Variants in WNK2 observed in about 807,000 individuals in gnomAD.
The protein encoded by WNK2 is serine/threonine-protein kinase WNK2.
WNK2 carries 67 observed loss-of-function variants against 192.1 expected under a neutral mutation model. The observed-to-expected ratio is 0.35, with a 90% CI of 0.29 to 0.43. WNK2 has a LOEUF of 0.43. Ranked by LOEUF, WNK2 falls within the 20% of genes least tolerant of loss-of-function variation. The probability of loss-of-function intolerance (pLI) is 1.00; values close to 1 mark genes in which losing one functional copy is unlikely to be tolerated. For missense variants in WNK2, 2,698 were observed against 3,089.7 expected, an observed-to-expected ratio of 0.87 and a Z score of 3.01; for synonymous variants, 1,439 against 1,393.9, an observed-to-expected ratio of 1.03 and a Z score of -0.72.
chr9:93,293,283 A>G, intron 23 of WNK2, 110 bp downstream of exon 23: 1 of 1,075,064 alleles, frequency 9.3e-7, no homozygotes, highest in Non-Finnish European at 1.2e-6. Context: ...AGCAGCGCCC[A>G]CTTGGAGCTG....
At chr9:93,307,939 A>C (rs1588614491) in intron 27 of WNK2, 3 of 228,970 alleles carry the variant, frequency 1.3e-5, no homozygotes, top group Admixed American at 5.1e-5. Context: ...AGCCCGAGGA[A>C]CCTGACTCTA....
intron 23 of WNK2, among the ~76,000 whole-genome samples, chr9:93,295,485 A>T (rs1850108439): frequency 6.6e-6 from 1 of 152,048 alleles, no homozygotes; most frequent in Non-Finnish European, 1.5e-5. Flanking sequence ...CAGGTGTTGA[A>T]ATTCAGGAGT....
At chr9:93,263,440 T>C in intron 14 of WNK2, 126 bp from the exon 15 acceptor site, 2 of 1,250,080 alleles carry the variant, frequency 1.6e-6, no homozygotes, top group Non-Finnish European at 2.2e-6. Context: ...CAGGACGGGC[T>C]GCCTCTGTAG....
At chr9:93,211,242 T>A (rs60422226) in intron 2 of WNK2, among the ~76,000 whole-genome samples, 2 of 2,292 alleles carry the variant, frequency 8.7e-4, no homozygotes, top group African/African-American at 4.1e-3. Context: ...ACTCACTCAT[T>A]CACTCACTCA....
In WNK2 at chr9:93,289,327, C is replaced by A; in HGVS notation, c.4573C>A (p.Pro1525Thr). The A allele has an allele frequency of 6.2e-7, 1 of 1,603,228 alleles. No individual in the cohort carries two copies. The highest frequency in any genetic ancestry group is 1.3e-5 in the African/African-American group (1 of 74,810). ...CCCACCCCTGGGGCCCACCGTCCCCCCACAGCCACCCTCGGCCCTGGAGTC... is the reference window on the plus strand; with the variant it reads ...CCCACCCCTGGGGCCCACCGTCCCCACACAGCCACCCTCGGCCCTGGAGTC... ...PSPPLGPTVP[P>T]QPPSALESDG... The change falls in exon 20 of 30, where the codon CCA becomes ACA. Residue 1525 changes from proline (P) to threonine (T), a missense_variant. Physicochemically the swap from Pro to Thr is conservative, Grantham distance 38 (BLOSUM62 -1). Transcript: ENST00000427277.
rs1270478658 is a variant in WNK2, at chr9:93,195,705, A to AAAAAAAT, written c.681+10101_681+10102insTAAAAAA. ...CAGAGTAAAGACTTTGTCTCAAAAA[A>AAAAAAAT]AAAAAAAAAAAAAAAAAAAGATGTT... On this transcript the variant is annotated intron_variant, in intron 2 of 29. Transcript: ENST00000427277. Among the ~76,000 whole-genome samples the AAAAAAAT allele has an allele frequency of 3.2e-3, 481 of 148,472 alleles. 6 individuals carry two copies. The highest frequency in any genetic ancestry group is 6.1e-3 in the Non-Finnish European group (406 of 67,054).
chr9:93,241,375 C>A (rs1385174468), intron 7 of WNK2, among the ~76,000 whole-genome samples: 6 of 152,216 alleles, frequency 3.9e-5, no homozygotes, highest in South Asian at 2.1e-4. Flanking sequence ...AGAAATAAAT[C>A]CGGTGTGCTC....
At chr9:93,313,920 G>A (rs1201925992) in intron 28 of WNK2, among the ~76,000 whole-genome samples, 1 of 152,124 alleles carries the variant, frequency 6.6e-6, no homozygotes, top group East Asian at 1.9e-4. Context: ...TTGAGTCCAG[G>A]AGTTCAAGAC....
chr9:93,189,889 G>C (rs373451807), intron 2 of WNK2, among the ~76,000 whole-genome samples: 1 of 152,234 alleles, frequency 6.6e-6, no homozygotes, highest in Non-Finnish European at 1.5e-5. Flanking sequence ...CCCTGACCCA[G>C]CTGAAATGGG....
chr9:93,203,431 C>T (rs901359003), intron 2 of WNK2, among the ~76,000 whole-genome samples: 7 of 152,214 alleles, frequency 4.6e-5, no homozygotes, highest in African/African-American at 1.4e-4. Context: ...AAAGAAAAAG[C>T]GAATGAGAAC....
chr9:93,256,426 C>T lies in WNK2; in HGVS notation c.2162C>T (p.Pro721Leu). Residue 721 changes from proline (P) to leucine (L), a missense_variant, in exon 10 of 30, where the codon CCA (proline) becomes CTA (leucine). Physicochemically the swap from Pro to Leu is moderately conservative, Grantham distance 98. This residue lies in a region of WNK2 where 893 missense variants were observed against 909.0 expected (regional missense o/e 0.98). Transcript: ENST00000427277. ...CCCAGCACCCCCATGCCCACGGGCC[C>T]AGGCCAGCCAGCACCCCCCGGCCAG... is the stretch of plus-strand genomic sequence containing the variant. Reference protein sequence around the residue: ...PPPSTPMPTGPGQPAPPGQQP... With the variant: ...PPPSTPMPTGLGQPAPPGQQP... 1 of 1,535,452 alleles carries T rather than the reference C, an allele frequency of 6.5e-7. No individual in the cohort carries two copies. The highest frequency in any genetic ancestry group is 8.7e-7 in the Non-Finnish European group (1 of 1,146,256).
At chr9:93,244,270 G>A (rs376870189) in intron 7 of WNK2, among the ~76,000 whole-genome samples, 5 of 152,338 alleles carry the variant, frequency 3.3e-5, no homozygotes, top group South Asian at 2.1e-4. Context: ...GAAGAGGCCA[G>A]ATGGAGCTCC....
In WNK2 at chr9:93,261,812, A is replaced by G; in HGVS notation, c.3067-2A>G. On this transcript the variant is annotated splice_acceptor_variant, in intron 12 of 29. Transcript: ENST00000427277. LOFTEE classifies it high-confidence loss of function. Reference sequence around the variant, plus strand: ...CTTGCACCTTGTCCCCTGTGCCCCCAGATTCTGCTTGGCCACCCAGCTCCC... The same window carrying G: ...CTTGCACCTTGTCCCCTGTGCCCCCGGATTCTGCTTGGCCACCCAGCTCCC... 6.3e-7 allele frequency: 1 copy of G among 1,584,564 alleles called. No homozygotes were observed.
In WNK2 at chr9:93,258,998, T is replaced by G; in HGVS notation, c.2450T>G (p.Leu817Arg). 3.7e-6 allele frequency: 6 copies of G among 1,611,960 alleles called. No individual in the cohort carries two copies. Among genetic ancestry groups the G allele is most frequent in the Non-Finnish European group, 5.1e-6 (6 of 1,179,508 alleles). The change falls in exon 12 of 30, where the codon CTC becomes CGC. Residue 817 changes from leucine (L) to arginine (R), a missense_variant. Coordinates refer to ENST00000427277, the MANE Select transcript of WNK2 (RefSeq NM_006648.4). ...GGAATCGACGGCCTCCCTCCGGCCC[T>G]CCCAGACCTGCCGACCGCGACTGTG... ...LAGIDGLPPA[L>R]PDLPTATVPP...
intron 23 of WNK2, among the ~76,000 whole-genome samples, chr9:93,296,988 TTCCTCCCCTCCGCA>T (rs1850665753): frequency 1.3e-5 from 1 of 74,956 alleles, no homozygotes; most frequent in African/African-American, 5.1e-5. Context: ...TCCCCTTGGC[TTCCTCCCCTCCGCA>T]TCCTCCCCTC....
At chr9:93,314,401 T>C (rs547641392) in intron 28 of WNK2, among the ~76,000 whole-genome samples, 1 of 150,226 alleles carries the variant, frequency 6.7e-6, no homozygotes, top group South Asian at 2.1e-4. Context: ...TGAGCCGAGA[T>C]AGTGCCACTG....
intron 26 of WNK2, among the ~76,000 whole-genome samples, chr9:93,304,352 G>A (rs886543597): frequency 3.9e-5 from 6 of 152,356 alleles, no homozygotes; most frequent in Admixed American, 2.6e-4. Context: ...TCCAAGAGCC[G>A]GCCCTCCTGT....
chr9:93,308,238 G>A (rs945905074), intron 27 of WNK2, 90 bp from the exon 28 acceptor site: 4 of 1,483,120 alleles, frequency 2.7e-6, no homozygotes, highest in Non-Finnish European at 3.6e-6. Flanking sequence ...CATTGTCTCA[G>A]CTGTCACGTA....
At chr9:93,198,500 G>A (rs1391578742) in intron 2 of WNK2, among the ~76,000 whole-genome samples, 1 of 152,178 alleles carries the variant, frequency 6.6e-6, no homozygotes, top group Non-Finnish European at 1.5e-5. Flanking sequence ...CTACCTGCCA[G>A]CCCTGGACCA....
Sources: gnomAD v4.1 joint callset for allele counts (sites outside exome capture counted in the v4.1 genomes callset) on GRCh38, gnomAD v4.1.1 for gene constraint, gnomAD v4.1.1 regional missense constraint, MANE v1.5 for transcripts, NCBI Gene and HGNC (gene_info 2026-07-23, HGNC 2026-07-21) for gene names.